The following CEP290 variants were observed in gnomAD, a reference collection of about 807,000 sequenced individuals.
CEP290 encodes the protein centrosomal protein 290.
A neutral mutation model predicts 344.9 loss-of-function variants in CEP290; 317 were observed. That is an observed-to-expected ratio of 0.92 (90% CI 0.84 to 1.01). CEP290 has a LOEUF of 1.01. Ranked by LOEUF, CEP290 falls within the 50% of genes least tolerant of loss-of-function variation. The pLI, the probability that CEP290 is intolerant of heterozygous loss-of-function variation, is 0.00. For missense variants in CEP290, 2,754 were observed against 2,761.4 expected (o/e 1.00, Z 0.06); for synonymous variants, 932 against 895.8 (o/e 1.04, Z -0.72).
intron 52 of CEP290, among the ~76,000 whole-genome samples, chr12:88,052,355 G>T (rs1592715795): frequency 6.6e-6 from 1 of 152,068 alleles, no homozygotes; most frequent in Non-Finnish European, 1.5e-5. Flanking sequence ...TAAATGGTTC[G>T]ATGTGCTTAT....
rs775859572 is a variant in CEP290, at chr12:88,102,980, T to C, written c.2849A>G (p.Gln950Arg). 6.4e-7 allele frequency: 1 copy of C among 1,571,530 alleles called. No individual in the cohort carries two copies. Residue 950 changes from glutamine (Q) to arginine (R), a missense_variant, in exon 26 of 54, where the codon CAA becomes CGA. Transcript: ENST00000552810. ...AGAAACACTATTATCTACAACTTTT[T>C]GGAGAGCTGCAATCTTGAAAATGGC... ...EMAIFKIAALQKVVDNSVSLS... is the reference protein window; with the variant it reads ...EMAIFKIAALRKVVDNSVSLS...
At chr12:88,073,364 A>G (rs2035523980) in intron 41 of CEP290, among the ~76,000 whole-genome samples, 1 of 152,198 alleles carries the variant, frequency 6.6e-6, no homozygotes, top group East Asian at 1.9e-4. Context: ...CGTAGCTTTG[A>G]ACTCACATTA....
At chr12:88,055,322 A>C (rs541176452) in intron 50 of CEP290, among the ~76,000 whole-genome samples, 3 of 152,262 alleles carry the variant, frequency 2.0e-5, no homozygotes, top group East Asian at 3.9e-4. Flanking sequence ...TCAAGATACC[A>C]AGAAGTGGTC....
chr12:88,101,979 GAAC>G (rs1231135299), intron 26 of CEP290, among the ~76,000 whole-genome samples: 10 of 152,120 alleles, frequency 6.6e-5, no homozygotes, highest in African/African-American at 2.4e-4. Context: ...AAGCTACTCA[GAAC>G]AACGTTTTCA....
chr12:88,082,520 T>C (rs926854289), intron 37 of CEP290, among the ~76,000 whole-genome samples: 1 of 151,952 alleles, frequency 6.6e-6, no homozygotes, highest in South Asian at 2.1e-4. Context: ...TGGAGAAACC[T>C]TGTCTCTACA....
rs1346504995 is a variant in CEP290 at position 88,049,172 on chromosome 12, T to A, written c.*12A>T. ...ATAAATAGTTAAATGAAACAAAGTT[T>A]ATAGGTGACCTTTAGTAAATGGGGA... On this transcript the variant is annotated 3_prime_UTR_variant, in exon 54 of 54. Coordinates refer to ENST00000552810, the MANE Select transcript of CEP290 (RefSeq NM_025114.4). The A allele has an allele frequency of 1.3e-6, 2 of 1,502,104 alleles. No individual in the cohort carries two copies. Among genetic ancestry groups the A allele is most frequent in the Non-Finnish European group, 1.8e-6 (2 of 1,098,330 alleles). The allele number at this position is 1,502,104 out of a possible 1,614,324, so 93.0% of individuals were successfully genotyped here.
Position 88,058,810 on chromosome 12 carries a change from T to C in CEP290, c.6818+38A>G, listed in dbSNP as rs370956095. ...TTTAAAACAATGCCAAAATTTGAAA[T>C]GATTAAACTTTGTACAAGTTTAAAA... On this transcript the variant is annotated intron_variant, in intron 49 of 53. Coordinates refer to ENST00000552810, the MANE Select transcript of CEP290 (RefSeq NM_025114.4). The C allele has an allele frequency of 5.5e-4, 877 of 1,595,698 alleles. 1 individual carries two copies. The highest frequency in any genetic ancestry group is 1.8e-3 in the Middle Eastern group (11 of 6,036).
chr12:88,065,137 T>C (rs1048517624), intron 44 of CEP290, among the ~76,000 whole-genome samples: 12 of 152,132 alleles, frequency 7.9e-5, no homozygotes, highest in African/African-American at 4.8e-5. Flanking sequence ...AGGACTGTTA[T>C]AAGCATCATA....
rs574287147 is a variant in CEP290 at position 88,112,524 on chromosome 12, C to T, written c.2053-666G>A. Among the ~76,000 whole-genome samples, 23 of 152,062 alleles carry T rather than the reference C, an allele frequency of 1.5e-4. 1 individual carries two copies. In the East Asian group the frequency reaches 2.5e-3, roughly 17 times the overall value. ...TATTATCAGAGTGGCATCACTGGCC[C>T]GAAATCTCCAACAGTGGCATATCTA... On this transcript the variant is annotated intron_variant, in intron 20 of 53. Coordinates refer to ENST00000552810, the MANE Select transcript of CEP290 (RefSeq NM_025114.4).
chr12:88,066,246 T>A (rs2034916125), intron 44 of CEP290, among the ~76,000 whole-genome samples: 1 of 152,208 alleles, frequency 6.6e-6, no homozygotes, highest in South Asian at 2.1e-4. Context: ...AAGTAGTACG[T>A]ACATAAAAAG....
intron 20 of CEP290, among the ~76,000 whole-genome samples, chr12:88,113,292 T>G (rs147345884): frequency 6.4e-4 from 97 of 152,100 alleles, no homozygotes; most frequent in Non-Finnish European, 1.1e-3. Flanking sequence ...GTGGGCATCA[T>G]CACGGACAAA....
At position 88,089,502 on chromosome 12, in the gene CEP290, A is replaced by C. The variant is rs565414938; in HGVS notation, c.3574-15T>G. 2 of 1,412,484 alleles carry C rather than the reference A, an allele frequency of 1.4e-6. No homozygotes were observed. The highest frequency in any genetic ancestry group is 5.9e-5 in the Admixed American group (2 of 33,780). 87.5% of individuals were successfully genotyped at this position (1,412,484 alleles called of 1,614,324 possible). On this transcript the variant is annotated splice_polypyrimidine_tract_variant and intron_variant, in intron 30 of 53. Transcript: ENST00000552810. ...TCAGACTGTGCCTGATATTAAAAAA[A>C]ATATATATTTGTAGTAAGTTTCAAA...
chr12:88,139,139 A>G lies in CEP290; in HGVS notation c.297+6T>C. 8.6e-7 allele frequency: 1 copy of G among 1,161,316 alleles called. No homozygotes were observed. Among genetic ancestry groups the G allele is most frequent in the Non-Finnish European group, 1.2e-6 (1 of 826,038 alleles). 71.9% of individuals were successfully genotyped at this position (1,161,316 alleles called of 1,614,324 possible). A position where few individuals can be genotyped will look rare whatever the true frequency, so the allele number is the denominator to read the frequency against. On this transcript the variant is annotated splice_donor_region_variant and intron_variant, in intron 5 of 53. Transcript: ENST00000552810. ...ATTACATCCTAGGGAATACAAAAAG[A>G]CATACCTCCAGTTCATTTTCCAGTT...
chr12:88,104,896 T>G (rs2038160832), intron 25 of CEP290, among the ~76,000 whole-genome samples: 1 of 152,070 alleles, frequency 6.6e-6, no homozygotes, highest in Non-Finnish European at 1.5e-5. Context: ...AAGTGCAAAA[T>G]CAAAGAAGCT....
At chr12:88,138,844 G>A (rs765724653) in intron 5 of CEP290, among the ~76,000 whole-genome samples, 8 of 151,866 alleles carry the variant, frequency 5.3e-5, no homozygotes, top group Non-Finnish European at 7.4e-5. Flanking sequence ...ACACCCTTTC[G>A]TCACTATTCC....
chr12:88,111,419 T>C (rs2038681425), intron 21 of CEP290, 68 bp from the exon 22 acceptor site: 4 of 1,401,342 alleles, frequency 2.9e-6, no homozygotes, highest in Non-Finnish European at 2.9e-6. Context: ...TTGACAGATA[T>C]GTGAATGCCC....
intron 37 of CEP290, among the ~76,000 whole-genome samples, chr12:88,082,359 C>T (rs1042303908): frequency 6.6e-6 from 1 of 152,138 alleles, no homozygotes; most frequent in African/African-American, 2.4e-5. Flanking sequence ...TTCATATAAC[C>T]ACCCTGAAAG....
intron 22 of CEP290, among the ~76,000 whole-genome samples, chr12:88,109,847 A>C (rs754830397): frequency 1.3e-5 from 2 of 152,150 alleles, no homozygotes; most frequent in Non-Finnish European, 2.9e-5. Flanking sequence ...AAAAATCATG[A>C]ATTTTATCTC....
chr12:88,062,420 TAAACAA>T (rs2034548153), intron 46 of CEP290, among the ~76,000 whole-genome samples: 1 of 152,108 alleles, frequency 6.6e-6, no homozygotes, highest in African/African-American at 2.4e-5. Flanking sequence ...GTTACCTCCA[TAAACAA>T]AAGGATTCCT....
Sources: gnomAD v4.1 joint callset for allele counts (sites outside exome capture counted in the v4.1 genomes callset) on GRCh38, gnomAD v4.1.1 for gene constraint, MANE v1.5 for transcripts, NCBI Gene and HGNC (gene_info 2026-07-23, HGNC 2026-07-21) for gene names.